CEP120: variants seen among roughly 807,000 people sequenced by gnomAD.
CEP120 encodes the protein centrosomal protein 120.
Under a neutral mutation model 126.5 loss-of-function variants are expected in CEP120, and 113 were observed. The ratio of observed to expected loss-of-function variants is 0.89; its 90% CI spans 0.77 to 1.04. CEP120 has a LOEUF of 1.04. Among genes scored for constraint, CEP120 ranks in the 50% least tolerant of loss-of-function variants. The pLI, the probability that CEP120 is intolerant of heterozygous loss-of-function variation, is 0.00. For missense variants in CEP120, 1,230 were observed against 1,155.7 expected, an observed-to-expected ratio of 1.06 and a Z score of -0.93; for synonymous variants, 400 against 394.3, an observed-to-expected ratio of 1.01 and a Z score of -0.17.
chr5:123,384,654 C>A (rs1173543846), intron 11 of CEP120, among the ~76,000 whole-genome samples: 4 of 151,964 alleles, frequency 2.6e-5, no homozygotes, highest in Non-Finnish European at 5.9e-5. Flanking sequence ...ATAGATCCTG[C>A]ATTTAAAATT....
chr5:123,416,240 A>T lies in CEP120; in HGVS notation c.207-116T>A, dbSNP rs577013558. On this transcript the variant is annotated intron_variant, in intron 2 of 19. Coordinates refer to ENST00000306467, the MANE Select transcript of CEP120 (RefSeq NM_001375405.1). ...AATTTTGTTGGATAAAACTGTAACT[A>T]TTTTACATTGTCTAAAAAACTCTTC... The T allele has an allele frequency of 4.6e-6, 3 of 649,166 alleles. No homozygotes were observed. The East Asian group carries it at 8.4e-5, about 18-fold the overall frequency. The allele number at this position is 649,166 out of a possible 1,614,324, so 40.2% of individuals were successfully genotyped here. A position where few individuals can be genotyped will look rare whatever the true frequency, so the allele number is the denominator to read the frequency against.
chr5:123,345,888 A>AAGTT lies in CEP120; in HGVS notation c.*627_*630dup, dbSNP rs1271982916. On this transcript the variant is annotated 3_prime_UTR_variant, in exon 20 of 20. Coordinates refer to ENST00000306467, the MANE Select transcript of CEP120 (RefSeq NM_001375405.1). ...TTAAGCTAATACTTCATGTTCTTAA[A>AAGTT]AGTTATAAATACACTGAAAATTTGA... 1 of 152,202 alleles carries AAGTT rather than the reference A, an allele frequency of 6.6e-6. No homozygotes were observed. The highest frequency in any genetic ancestry group is 1.5e-5 in the Non-Finnish European group (1 of 68,032). The allele number at this position is 152,202 out of a possible 1,614,324, so 9.4% of individuals were successfully genotyped here. A position where few individuals can be genotyped will look rare whatever the true frequency, so the allele number is the denominator to read the frequency against.
At chr5:123,350,142 T>A in intron 18 of CEP120, 53 bp from the exon 19 acceptor site, 1 of 1,461,250 alleles carries the variant, frequency 6.8e-7, no homozygotes, top group Non-Finnish European at 9.4e-7. Context: ...AACAAATATT[T>A]TATATGACTT....
At chr5:123,377,259 TAATA>T (rs2127033872) in intron 16 of CEP120, 111 bp downstream of exon 16, 1 of 922,476 alleles carries the variant, frequency 1.1e-6, no homozygotes. Context: ...ATAATATGAT[TAATA>T]GTCTAAATTA....
At chr5:123,390,894 C>A in intron 7 of CEP120, 2 of 439,238 alleles carry the variant, frequency 4.6e-6, no homozygotes, top group Admixed American at 3.9e-5. Flanking sequence ...CACAAAAAGA[C>A]TGTCTCAAAG....
intron 1 of CEP120, among the ~76,000 whole-genome samples, chr5:123,420,046 T>G (rs551092666): frequency 6.6e-6 from 1 of 152,308 alleles, no homozygotes; most frequent in East Asian, 1.9e-4. Flanking sequence ...TAAAAAGACC[T>G]TGACTGCTAA....
rs554102300 is a variant in CEP120 at position 123,355,613 on chromosome 5, G to A, written c.2581-5524C>T. ...TGGGAAGTGTCTGTTCATATCCTTC[G>A]CCCACTTTTTGATGGGGTTGTTTTT... On this transcript the variant is annotated intron_variant, in intron 18 of 19. Coordinates refer to ENST00000306467, the MANE Select transcript of CEP120 (RefSeq NM_001375405.1). 9.6e-4 allele frequency among the ~76,000 whole-genome samples: 146 copies of A among 151,822 alleles called. No homozygotes were observed. The Middle Eastern group carries it at 0.01, about 11-fold the overall frequency.
At chr5:123,386,768 G>A (rs1300357375) in intron 9 of CEP120, 101 bp from the exon 10 acceptor site, 14 of 880,184 alleles carry the variant, frequency 1.6e-5, no homozygotes, top group African/African-American at 1.3e-4. Flanking sequence ...TGAATATTAT[G>A]AGCAAATACA....
At chr5:123,384,542 A>G (rs897406050) in intron 11 of CEP120, among the ~76,000 whole-genome samples, 9 of 152,140 alleles carry the variant, frequency 5.9e-5, no homozygotes, top group Admixed American at 5.9e-4. Context: ...GATTTGGGGT[A>G]GGAGTAAAAT....
chr5:123,364,572 T>G lies in CEP120; in HGVS notation c.2504A>C (p.Glu835Ala), dbSNP rs1432457174. Reference sequence around the variant, plus strand: ...ATGCAGTTTAGACTTAGTTGCAGATTCCAACTTTCTTTCAAGTTCAACCTA... The same window carrying G: ...ATGCAGTTTAGACTTAGTTGCAGATGCCAACTTTCTTTCAAGTTCAACCTA... The part of the protein sequence containing the change: ...LEKVELERKL[E>A]SATKSKLHYK... Residue 835 changes from glutamate to alanine, a missense_variant, in exon 18 of 20, where the codon GAA becomes GCA. Coordinates refer to ENST00000306467, the MANE Select transcript of CEP120 (RefSeq NM_001375405.1). 1 of 1,605,268 alleles carries G rather than the reference T, an allele frequency of 6.2e-7. No individual in the cohort carries two copies. The highest frequency in any genetic ancestry group is 1.3e-5 in the African/African-American group (1 of 74,512).
Position 123,346,532 on chromosome 5 carries a change from TTGC to T in CEP120, c.2945_2947del (p.Ser982del). On this transcript the variant is annotated inframe_deletion, in exon 20 of 20. Transcript: ENST00000306467. Reference sequence around the variant, plus strand: ...TTCCAAATGTTATTAATTACTGGCATTGCTTTTTGCCAAAATCTCTCTGATCTG... The same window carrying T: ...TTCCAAATGTTATTAATTACTGGCATTTTTTGCCAAAATCTCTCTGATCTG... The T allele has an allele frequency of 6.2e-7, 1 of 1,610,758 alleles. No individual in the cohort carries two copies. The highest frequency in any genetic ancestry group is 1.1e-5 in the South Asian group (1 of 90,296).
intron 17 of CEP120, among the ~76,000 whole-genome samples, chr5:123,367,478 A>G (rs1343417763): frequency 6.6e-6 from 1 of 151,858 alleles, no homozygotes; most frequent in Admixed American, 6.6e-5. Context: ...CCAAAATCCA[A>G]TACCTTTTCA....
chr5:123,386,664 G>A lies in CEP120; in HGVS notation c.1434C>T (p.Tyr478=), dbSNP rs770422364. ...IGFPINCILR[Y]SYPFFGSAAP... The stretch of plus-strand genomic sequence containing the variant: ...CTGCACTTCCAAAGAATGGATATGA[G>A]TACCTAGAATTTAAAAAAAAAAAAA... The change falls in exon 10 of 20, where the codon TAC becomes TAT. Residue 478 remains tyrosine (Y), a synonymous_variant. Transcript: ENST00000306467. The A allele has an allele frequency of 2.9e-5, 14 of 478,812 alleles. No homozygotes were observed. Among genetic ancestry groups the A allele is most frequent in the Non-Finnish European group, 4.2e-5 (13 of 307,686 alleles). 29.7% of individuals were successfully genotyped at this position (478,812 alleles called of 1,614,324 possible).
At chr5:123,410,256 T>C (rs1346132551) in intron 4 of CEP120, among the ~76,000 whole-genome samples, 1 of 152,220 alleles carries the variant, frequency 6.6e-6, no homozygotes, top group Non-Finnish European at 1.5e-5. Context: ...ATTGGCAAGA[T>C]GTCAGTTCTT....
At chr5:123,355,356 A>G (rs1580632596) in intron 18 of CEP120, among the ~76,000 whole-genome samples, 1 of 152,132 alleles carries the variant, frequency 6.6e-6, no homozygotes, top group South Asian at 2.1e-4. Context: ...CTGAGGAATC[A>G]CCACACTGAC....
intron 4 of CEP120, among the ~76,000 whole-genome samples, chr5:123,400,659 CT>C (rs34109692): frequency 9.4e-4 from 84 of 88,942 alleles, no homozygotes; most frequent in African/African-American, 1.4e-3. Flanking sequence ...ATATATATGG[CT>C]TTTTTTTTTT....
At chr5:123,408,378 C>T (rs778375661) in intron 4 of CEP120, among the ~76,000 whole-genome samples, 1 of 147,054 alleles carries the variant, frequency 6.8e-6, no homozygotes, top group African/African-American at 2.5e-5. Flanking sequence ...CAGCCAGGCT[C>T]AATAAGAAAA....
intron 8 of CEP120, 135 bp downstream of exon 8, chr5:123,389,789 C>G: frequency 1.4e-6 from 1 of 737,666 alleles, no homozygotes; most frequent in Non-Finnish European, 2.2e-6. Flanking sequence ...CGTGAGCCAC[C>G]GTGCCCAGCC....
At chr5:123,355,464 T>G (rs1301415137) in intron 18 of CEP120, among the ~76,000 whole-genome samples, 3 of 152,200 alleles carry the variant, frequency 2.0e-5, no homozygotes, top group Admixed American at 6.5e-5. Flanking sequence ...CCTGACTTTT[T>G]AATGATCGCC....
Sources: allele counts gnomAD v4.1 joint callset (sites outside exome capture counted in the v4.1 genomes callset), GRCh38; gene constraint gnomAD v4.1.1; transcripts MANE v1.5; gene names NCBI Gene and HGNC (gene_info 2026-07-23, HGNC 2026-07-21).